MACROD2: variants seen among roughly 807,000 people sequenced by gnomAD.
The protein encoded by MACROD2 is mono-ADP ribosylhydrolase 2.
MACROD2 carries 36 observed loss-of-function variants against 70.4 expected under a neutral mutation model. That is an observed-to-expected ratio of 0.51 (90% CI 0.39 to 0.68). The LOEUF (loss-of-function observed/expected upper bound fraction) is 0.68, where lower values mean the gene tolerates loss of function less well. Ranked by LOEUF, MACROD2 falls within the 30% of genes least tolerant of loss-of-function variation. The pLI is 0.00. For synonymous variants in MACROD2, 172 were observed against 178.8 expected (o/e 0.96, Z 0.30); for missense variants, 496 against 538.4 (o/e 0.92, Z 0.78).
rs112994640 is a variant in MACROD2 at position 15,360,817 on chromosome 20, GT to G, written c.541-70579del. ...CCCTAATAACTAGTGATGTTGCACAGTTTTTTTTTCGTGTGTTTAATTTACC... is the reference window on the plus strand; with the variant it reads ...CCCTAATAACTAGTGATGTTGCACAGTTTTTTTTCGTGTGTTTAATTTACC... On this transcript the variant is annotated intron_variant, in intron 6 of 17. Transcript: ENST00000684519. Among the ~76,000 whole-genome samples the G allele has an allele frequency of 3.0e-3, 452 of 151,102 alleles. 2 individuals carry two copies. The highest frequency in any genetic ancestry group is 5.4e-3 in the Non-Finnish European group (368 of 67,656).
At position 14,218,319 on chromosome 20, in the gene MACROD2, A is replaced by G. The variant is rs776962616; in HGVS notation, c.271+132591A>G. On this transcript the variant is annotated intron_variant, in intron 3 of 17. Coordinates refer to ENST00000684519, the MANE Select transcript of MACROD2 (RefSeq NM_001351661.2). ...TGCTTTAAAGTTTGTTTTGTCTGAT[A>G]TAAGAATAGCTACCCCTGCTCACTT... Among the ~76,000 whole-genome samples, 10 of 152,178 alleles carry G rather than the reference A, an allele frequency of 6.6e-5. 1 individual carries two copies. The highest frequency in any genetic ancestry group is 1.5e-5 in the Non-Finnish European group (1 of 68,034).
chr20:14,242,183 A>T (rs768178053), intron 3 of MACROD2, among the ~76,000 whole-genome samples: 15 of 152,154 alleles, frequency 9.9e-5, no homozygotes, highest in Non-Finnish European at 2.1e-4. Context: ...ACAATTTATC[A>T]GTTGTCTAAT....
chr20:15,915,240 T>C (rs1488695259), intron 10 of MACROD2, among the ~76,000 whole-genome samples: 1 of 152,118 alleles, frequency 6.6e-6, no homozygotes, highest in Non-Finnish European at 1.5e-5. Flanking sequence ...TCTAGCTCTG[T>C]AGTCGCAAGG....
intron 5 of MACROD2, among the ~76,000 whole-genome samples, chr20:15,175,602 A>G (rs1014986271): frequency 2.6e-5 from 4 of 152,228 alleles, no homozygotes; most frequent in African/African-American, 9.6e-5. Flanking sequence ...CTATTGGAAA[A>G]TTCATGAAAT....
chr20:15,682,101 C>T (rs1248376264), intron 8 of MACROD2, among the ~76,000 whole-genome samples: 9 of 152,108 alleles, frequency 5.9e-5, no homozygotes, highest in African/African-American at 1.9e-4. Context: ...ATGTAGCCAC[C>T]TATGGGATTA....
chr20:15,724,067 C>T (rs2050826457), intron 8 of MACROD2, among the ~76,000 whole-genome samples: 1 of 152,090 alleles, frequency 6.6e-6, no homozygotes, highest in Non-Finnish European at 1.5e-5. Context: ...GTCTATTTGC[C>T]ATTCTTTGTT....
chr20:14,198,536 G>C (rs550571379), intron 3 of MACROD2, among the ~76,000 whole-genome samples: 1 of 152,172 alleles, frequency 6.6e-6, no homozygotes, highest in East Asian at 1.9e-4. Context: ...TCATCAAATG[G>C]ACACAAAATA....
chr20:15,059,888 G>C (rs1478618476), intron 5 of MACROD2, among the ~76,000 whole-genome samples: 1 of 152,148 alleles, frequency 6.6e-6, no homozygotes, highest in Non-Finnish European at 1.5e-5. Flanking sequence ...TTGAAATAAA[G>C]ATTCCCTAAA....
intron 3 of MACROD2, among the ~76,000 whole-genome samples, chr20:14,309,729 G>A (rs962888468): frequency 5.3e-5 from 8 of 151,998 alleles, no homozygotes; most frequent in African/African-American, 1.2e-4. Context: ...GTATTAACTC[G>A]TATCTTAAAC....
chr20:15,510,373 C>A (rs913286844), intron 8 of MACROD2, among the ~76,000 whole-genome samples: 1 of 152,082 alleles, frequency 6.6e-6, no homozygotes, highest in African/African-American at 2.4e-5. Flanking sequence ...TTTTCCTTGT[C>A]CTCTACCTTG....
At chr20:14,782,800 G>A (rs1435854261) in intron 5 of MACROD2, among the ~76,000 whole-genome samples, 9 of 152,016 alleles carry the variant, frequency 5.9e-5, no homozygotes, top group Non-Finnish European at 1.5e-5. Context: ...CTGATTTTCT[G>A]TACTCCAGTC....
intron 6 of MACROD2, among the ~76,000 whole-genome samples, chr20:15,358,125 G>C (rs1600288440): frequency 6.6e-6 from 1 of 152,126 alleles, no homozygotes; most frequent in South Asian, 2.1e-4. Context: ...ATTTTTTCTT[G>C]TGTTCATTCA....
intron 5 of MACROD2, among the ~76,000 whole-genome samples, chr20:15,171,620 T>C (rs2076423165): frequency 6.6e-6 from 1 of 151,406 alleles, no homozygotes; most frequent in Admixed American, 6.6e-5. Flanking sequence ...CAGTCTCTCT[T>C]CTCTCTCTCT....
intron 3 of MACROD2, among the ~76,000 whole-genome samples, chr20:14,245,212 A>G (rs951163503): frequency 3.3e-5 from 5 of 151,772 alleles, no homozygotes; most frequent in African/African-American, 1.2e-4. Context: ...AAAATACACA[A>G]ATCAGCCGGG....
At chr20:14,706,582 G>A (rs763587212) in intron 5 of MACROD2, among the ~76,000 whole-genome samples, 10 of 152,074 alleles carry the variant, frequency 6.6e-5, no homozygotes, top group Non-Finnish European at 1.5e-4. Context: ...TGTTGAACCT[G>A]TCTAGTGAGT....
At chr20:15,780,652 GGT>G (rs1420040608) in intron 8 of MACROD2, among the ~76,000 whole-genome samples, 25 of 152,120 alleles carry the variant, frequency 1.6e-4, no homozygotes, top group Non-Finnish European at 8.8e-5. Flanking sequence ...TTTGATGAAT[GGT>G]GGTTGCTATA....
At chr20:14,890,306 A>C (rs1395949234) in intron 5 of MACROD2, among the ~76,000 whole-genome samples, 1 of 152,130 alleles carries the variant, frequency 6.6e-6, no homozygotes, top group East Asian at 1.9e-4. Context: ...AAGAGGATGG[A>C]GGTCTGAGCC....
intron 3 of MACROD2, among the ~76,000 whole-genome samples, chr20:14,264,023 ACAC>A (rs1568527562): frequency 1.0e-3 from 132 of 132,572 alleles, no homozygotes; most frequent in Middle Eastern, 4.1e-3. Flanking sequence ...ACACACACAC[ACAC>A]AACACAAGTG....
intron 8 of MACROD2, among the ~76,000 whole-genome samples, chr20:15,708,116 G>C (rs537808220): frequency 6.6e-6 from 1 of 151,920 alleles, no homozygotes; most frequent in Non-Finnish European, 1.5e-5. Context: ...ATTTGAAATC[G>C]TTATTTTACT....
Sources: allele counts gnomAD v4.1 joint callset (sites outside exome capture counted in the v4.1 genomes callset), GRCh38; gene constraint gnomAD v4.1.1; transcripts MANE v1.5; gene names NCBI Gene and HGNC (gene_info 2026-07-23, HGNC 2026-07-21).